The following MEF2C variants were observed in gnomAD, a reference collection of about 807,000 sequenced individuals.
MEF2C encodes myocyte-specific enhancer factor 2C.
Under a neutral mutation model 50.5 loss-of-function variants are expected in MEF2C, and 6 were observed. The observed-to-expected ratio is 0.12, with a 90% CI of 0.07 to 0.23. The LOEUF (loss-of-function observed/expected upper bound fraction) is 0.23, where lower values mean the gene tolerates loss of function less well. MEF2C is among the 10% of genes least tolerant of loss of function. MEF2C has a pLI of 1.00. For synonymous variants in MEF2C, 183 were observed against 228.0 expected (o/e 0.80, Z 1.78); for missense variants, 276 against 605.0 (o/e 0.46, Z 5.70).
At chr5:88,746,554 T>C in intron 6 of MEF2C, 1 of 985,402 alleles carries the variant, frequency 1.0e-6, no homozygotes, top group Non-Finnish European at 1.2e-6. Context: ...TCAAACTTTA[T>C]CTGAAACCTT....
chr5:88,816,185 T>C (rs1805254746), intron 2 of MEF2C, among the ~76,000 whole-genome samples: 1 of 152,068 alleles, frequency 6.6e-6, no homozygotes, highest in Non-Finnish European at 1.5e-5. Context: ...AATGTTGGCC[T>C]CTCTCAGATT....
At chr5:88,820,480 CT>C (rs1807753701) in intron 2 of MEF2C, among the ~76,000 whole-genome samples, 1 of 151,956 alleles carries the variant, frequency 6.6e-6, no homozygotes, top group South Asian at 2.1e-4. Context: ...AGTTTTATTT[CT>C]TAATGATATA....
chr5:88,868,260 T>A lies in MEF2C; in HGVS notation c.-143+14695A>T, dbSNP rs368637905. 2.2e-3 allele frequency among the ~76,000 whole-genome samples: 341 copies of A among 152,214 alleles called. 2 individuals carry two copies. The highest frequency in any genetic ancestry group is 7.9e-3 in the African/African-American group (327 of 41,550). ...TACTTCTTTATGAAGCATTACTAAA[T>A]AAAAAAGCCTACCTTTTTAGAAGAT... On this transcript the variant is annotated intron_variant, in intron 1 of 10. Coordinates refer to ENST00000504921, the MANE Select transcript of MEF2C (RefSeq NM_002397.5).
chr5:88,853,687 A>C (rs1159195365), intron 1 of MEF2C, among the ~76,000 whole-genome samples: 2 of 152,234 alleles, frequency 1.3e-5, no homozygotes, highest in Admixed American at 1.3e-4. Flanking sequence ...GGCATGATTT[A>C]GCTTTTATTA....
intron 3 of MEF2C, among the ~76,000 whole-genome samples, chr5:88,789,253 A>C (rs1243439469): frequency 2.0e-5 from 3 of 151,896 alleles, no homozygotes; most frequent in Non-Finnish European, 2.9e-5. Flanking sequence ...TGGAGCCTCA[A>C]CCTCTCATGC....
chr5:88,899,336 C>T (rs554163026), intron 1 of MEF2C, among the ~76,000 whole-genome samples: 34 of 152,234 alleles, frequency 2.2e-4, no homozygotes, highest in African/African-American at 7.7e-4. Context: ...GGGGCCCAGT[C>T]ATTGCAGACA....
intron 2 of MEF2C, among the ~76,000 whole-genome samples, chr5:88,818,630 C>T (rs1346673377): frequency 6.6e-6 from 1 of 151,940 alleles, no homozygotes; most frequent in Non-Finnish European, 1.5e-5. Context: ...CATAAATCCT[C>T]TGCAAACGTC....
At chr5:88,798,467 G>A (rs1796940108) in intron 3 of MEF2C, among the ~76,000 whole-genome samples, 3 of 151,810 alleles carry the variant, frequency 2.0e-5, no homozygotes, top group Admixed American at 2.0e-4. Flanking sequence ...CAAAGTTCTT[G>A]TGCTGTGTTT....
chr5:88,768,633 A>G (rs754909634), intron 3 of MEF2C: 1 of 963,656 alleles, frequency 1.0e-6, no homozygotes, highest in Non-Finnish European at 1.2e-6. Context: ...AACTTACTAG[A>G]TATTTGCAGC....
Position 88,735,578 on chromosome 5 carries a change from A to C in MEF2C, c.638-3677T>G, listed in dbSNP as rs112421751. On this transcript the variant is annotated intron_variant, in intron 6 of 10. Coordinates refer to ENST00000504921, the MANE Select transcript of MEF2C (RefSeq NM_002397.5). ...ATATTGTTTTACATAAAAATAACAA[A>C]TTTAAGCATATATGAGTTAACTTAC... The C allele has an allele frequency of 9.2e-6, 9 of 973,736 alleles. 1 individual carries two copies. In the African/African-American group the frequency reaches 1.4e-4, roughly 15 times the overall value. The allele number at this position is 973,736 out of a possible 1,614,324, so 60.3% of individuals were successfully genotyped here.
intron 3 of MEF2C, among the ~76,000 whole-genome samples, chr5:88,777,686 T>C (rs1472076147): frequency 6.6e-6 from 1 of 152,196 alleles, no homozygotes; most frequent in East Asian, 1.9e-4. Flanking sequence ...ACGGAATTCA[T>C]TTTCTGATAA....
In MEF2C at chr5:88,733,787, A is replaced by G. The variant is rs895008156; in HGVS notation, c.638-1886T>C. 152 of 985,426 alleles carry G rather than the reference A, an allele frequency of 1.5e-4. No homozygotes were observed. The African/African-American group carries it at 2.5e-3, about 17-fold the overall frequency. 61.0% of individuals were successfully genotyped at this position (985,426 alleles called of 1,614,324 possible). On this transcript the variant is annotated intron_variant, in intron 6 of 10. Coordinates refer to ENST00000504921, the MANE Select transcript of MEF2C (RefSeq NM_002397.5). The stretch of plus-strand genomic sequence containing the variant: ...TTATCCCAGTTCCTGGGGCAAAAAA[A>G]CAAAAATAAAGCAAACTGGACACCC...
intron 1 of MEF2C, chr5:88,889,196 TCCGC>T (rs1834270228): frequency 6.6e-6 from 1 of 152,172 alleles, no homozygotes; most frequent in East Asian, 1.9e-4. Context: ...AGCAACTCAC[TCCGC>T]TGAGTTATTG....
chr5:88,737,844 C>G, intron 6 of MEF2C: 1 of 985,288 alleles, frequency 1.0e-6, no homozygotes, highest in Non-Finnish European at 1.2e-6. Context: ...AGGCTTTATA[C>G]TAAGCTTTTA....
chr5:88,837,996 G>A (rs1442597864), intron 1 of MEF2C, among the ~76,000 whole-genome samples: 1 of 152,154 alleles, frequency 6.6e-6, no homozygotes, highest in African/African-American at 2.4e-5. Context: ...GAGTGGTTAA[G>A]TAACTTACCC....
intron 6 of MEF2C, chr5:88,740,838 T>C: frequency 1.0e-6 from 1 of 985,408 alleles, no homozygotes; most frequent in Non-Finnish European, 1.2e-6. Flanking sequence ...TGTTCACTTC[T>C]TGAGATTTTG....
chr5:88,892,497 A>G (rs1392106395), intron 1 of MEF2C, among the ~76,000 whole-genome samples: 2 of 152,226 alleles, frequency 1.3e-5, no homozygotes, highest in Admixed American at 1.3e-4. Context: ...TAAGTTCTTT[A>G]TTCACCTATA....
intron 1 of MEF2C, among the ~76,000 whole-genome samples, chr5:88,827,425 G>C (rs1021412160): frequency 6.6e-6 from 1 of 151,934 alleles, no homozygotes; most frequent in Non-Finnish European, 1.5e-5. Flanking sequence ...TGTTCCAGAA[G>C]TGTAAAATGG....
In MEF2C at chr5:88,837,002, C is replaced by CAAAAAAA. The variant is rs10692741; in HGVS notation, c.-142-13079_-142-13073dup. On this transcript the variant is annotated intron_variant, in intron 1 of 10. Transcript: ENST00000504921. Reference sequence around the variant, plus strand: ...CCTAAGATTTTAACAAGCTGTTTCTCAAAAAAAAAAAAAAAAAAAAAAGTC... The same window carrying CAAAAAAA: ...CCTAAGATTTTAACAAGCTGTTTCTCAAAAAAAAAAAAAAAAAAAAAAAAAAAAAGTC... 3.4e-5 allele frequency among the ~76,000 whole-genome samples: 3 copies of CAAAAAAA among 86,982 alleles called. 1 individual carries two copies. Among genetic ancestry groups the CAAAAAAA allele is most frequent in the Non-Finnish European group, 6.5e-5 (3 of 46,436 alleles). The allele number at this position is 86,982 out of a possible 152,430, so 57.1% of individuals were successfully genotyped here. A position where few individuals can be genotyped will look rare whatever the true frequency, so the allele number is the denominator to read the frequency against.
Sources: allele counts gnomAD v4.1 joint callset (sites outside exome capture counted in the v4.1 genomes callset), GRCh38; gene constraint gnomAD v4.1.1; transcripts MANE v1.5; gene names NCBI Gene and HGNC (gene_info 2026-07-23, HGNC 2026-07-21).